MCC: variants seen among roughly 807,000 people sequenced by gnomAD.
The protein encoded by MCC is colorectal mutant cancer protein.
In MCC, 90 loss-of-function variants were observed where a neutral mutation model predicts 116.2. The observed-to-expected ratio is 0.77, with a 90% CI of 0.65 to 0.92. The LOEUF is 0.92. MCC is among the 40% of genes least tolerant of loss of function. MCC has a pLI of 0.00. For synonymous variants in MCC, 578 were observed against 510.5 expected (o/e 1.13, Z -1.78); for missense variants, 1,516 against 1,312.2 (o/e 1.16, Z -2.40).
At position 113,385,181 on chromosome 5, in the gene MCC, T is replaced by A. The variant is rs977694114; in HGVS notation, c.202A>T (p.Asn68Tyr). 1.9e-6 allele frequency: 3 copies of A among 1,614,010 alleles called. No individual in the cohort carries two copies. Among genetic ancestry groups the A allele is most frequent in the Non-Finnish European group, 2.5e-6 (3 of 1,180,026 alleles). Residue 68 changes from asparagine (N) to tyrosine (Y), a missense_variant, in exon 2 of 19, where the codon AAT (asparagine) becomes TAT (tyrosine). Coordinates refer to ENST00000408903, the MANE Select transcript of MCC (RefSeq NM_001085377.2). ...NDLLMVCRQL[N>Y]MEESVAEIMN... ...ATCTCAGCCACAGACTCTTCCATAT[T>A]CAGCTGGCGACAGACCATTAGCAAG...
chr5:113,380,189 T>C (rs1267719102), intron 2 of MCC, among the ~76,000 whole-genome samples: 1 of 152,224 alleles, frequency 6.6e-6, no homozygotes, highest in Non-Finnish European at 1.5e-5. Flanking sequence ...CACTTAACTA[T>C]TAAACCGAAG....
chr5:113,133,888 C>CAAG (rs1174653506), intron 5 of MCC, among the ~76,000 whole-genome samples: 1 of 152,100 alleles, frequency 6.6e-6, no homozygotes, highest in African/African-American at 2.4e-5. Flanking sequence ...GCCATTTGTA[C>CAAG]GTCTTCTTTT....
At chr5:113,064,622 C>T (rs1753460691) in intron 13 of MCC, among the ~76,000 whole-genome samples, 1 of 152,210 alleles carries the variant, frequency 6.6e-6, no homozygotes, top group African/African-American at 2.4e-5. Flanking sequence ...TTGGTTAGAG[C>T]CCTGTGTGGG....
chr5:113,252,144 A>G (rs1258561722), intron 3 of MCC, among the ~76,000 whole-genome samples: 1 of 152,058 alleles, frequency 6.6e-6, no homozygotes, highest in Non-Finnish European at 1.5e-5. Context: ...TTTACTTCTT[A>G]GTGGAATTAT....
intron 2 of MCC, among the ~76,000 whole-genome samples, chr5:113,380,997 T>C (rs1050585017): frequency 6.6e-6 from 1 of 152,180 alleles, no homozygotes; most frequent in Non-Finnish European, 1.5e-5. Flanking sequence ...GTTTTAGACA[T>C]GGGATTGAAC....
At chr5:113,405,913 T>C (rs1769819771) in intron 1 of MCC, among the ~76,000 whole-genome samples, 1 of 152,238 alleles carries the variant, frequency 6.6e-6, no homozygotes, top group Non-Finnish European at 1.5e-5. Context: ...ATTTTCCTTT[T>C]GAGCATCACT....
chr5:113,387,235 G>A (rs1345696317), intron 1 of MCC, among the ~76,000 whole-genome samples: 1 of 152,140 alleles, frequency 6.6e-6, no homozygotes, highest in East Asian at 1.9e-4. Flanking sequence ...GTGATCAAAA[G>A]TAAGTTCTTA....
At chr5:113,334,589 G>C in intron 3 of MCC, among the ~76,000 whole-genome samples, 2 of 85,176 alleles carry the variant, frequency 2.3e-5, no homozygotes, top group East Asian at 5.1e-4. Flanking sequence ...TCTGATTTCT[G>C]ATTTTTTTTT....
intron 3 of MCC, among the ~76,000 whole-genome samples, chr5:113,169,364 T>G (rs1204251776): frequency 6.6e-6 from 1 of 152,198 alleles, no homozygotes; most frequent in Non-Finnish European, 1.5e-5. Context: ...GACTTTCCTC[T>G]GCAGGACCAT....
intron 1 of MCC, among the ~76,000 whole-genome samples, chr5:113,447,256 A>G (rs1771249911): frequency 6.6e-6 from 1 of 152,222 alleles, no homozygotes; most frequent in Non-Finnish European, 1.5e-5. Context: ...GCATGAGACA[A>G]AGAAAACACC....
intron 3 of MCC, among the ~76,000 whole-genome samples, chr5:113,270,088 TGCTAAAGAAAAGG>T (rs1366363566): frequency 6.6e-6 from 1 of 152,184 alleles, no homozygotes; most frequent in Non-Finnish European, 1.5e-5. Flanking sequence ...GGGTGTAGGA[TGCTAAAGAAAAGG>T]GTACCTACAG....
In MCC at chr5:113,445,457, G is replaced by A. The variant is rs146678485; in HGVS notation, c.170+42788C>T. ...AGTAGCATTTTTATACAGTAATAAC[G>A]TTCAAGCTAAGAGTCAAATCAAGAA... is the stretch of plus-strand genomic sequence containing the variant. On this transcript the variant is annotated intron_variant, in intron 1 of 18. Coordinates refer to ENST00000408903, the MANE Select transcript of MCC (RefSeq NM_001085377.2). 1.9e-3 allele frequency among the ~76,000 whole-genome samples: 285 copies of A among 152,156 alleles called. 1 individual carries two copies. The highest frequency in any genetic ancestry group is 6.5e-3 in the African/African-American group (269 of 41,532).
intron 9 of MCC, among the ~76,000 whole-genome samples, chr5:113,084,709 G>T (rs963690258): frequency 6.6e-6 from 1 of 152,170 alleles, no homozygotes; most frequent in African/African-American, 2.4e-5. Context: ...AGTCAGTGGG[G>T]CTACTTCTCA....
chr5:113,149,314 T>C (rs1009518145), intron 4 of MCC, among the ~76,000 whole-genome samples: 7 of 152,106 alleles, frequency 4.6e-5, no homozygotes, highest in Admixed American at 2.0e-4. Flanking sequence ...AACATTCTAA[T>C]GCTTTCCAGT....
At chr5:113,176,218 A>C (rs1044113560) in intron 3 of MCC, among the ~76,000 whole-genome samples, 1 of 150,596 alleles carries the variant, frequency 6.6e-6, no homozygotes, top group Non-Finnish European at 1.5e-5. Flanking sequence ...TTAAAACATG[A>C]CATAAGAACA....
At chr5:113,275,947 C>T (rs1441267277) in intron 3 of MCC, among the ~76,000 whole-genome samples, 1 of 146,646 alleles carries the variant, frequency 6.8e-6, no homozygotes, top group African/African-American at 2.5e-5. Context: ...ACAAAACATT[C>T]TAAAATTGAT....
At chr5:113,166,303 T>C (rs758826706) in intron 3 of MCC, among the ~76,000 whole-genome samples, 8 of 152,174 alleles carry the variant, frequency 5.3e-5, no homozygotes, top group Non-Finnish European at 1.2e-4. Context: ...ACTGACATTT[T>C]TACAATACAA....
chr5:113,280,215 T>C lies in MCC; in HGVS notation c.627+60304A>G, dbSNP rs534107930. Among the ~76,000 whole-genome samples, 12 of 152,298 alleles carry C rather than the reference T, an allele frequency of 7.9e-5. No homozygotes were observed. The East Asian group carries it at 1.9e-3, about 24-fold the overall frequency. ...CTCAGTGTTTGCCTTCAGAAGTAGATAGAGGCGAGCTGTAGCCCAGATCCT... is the reference window on the plus strand; with the variant it reads ...CTCAGTGTTTGCCTTCAGAAGTAGACAGAGGCGAGCTGTAGCCCAGATCCT... On this transcript the variant is annotated intron_variant, in intron 3 of 18. Coordinates refer to ENST00000408903, the MANE Select transcript of MCC (RefSeq NM_001085377.2).
In MCC at chr5:113,068,173, T is replaced by C. The variant is rs200168585; in HGVS notation, c.1936A>G (p.Ile646Val). The C allele has an allele frequency of 2.9e-4, 467 of 1,613,892 alleles. 1 individual carries two copies. The highest frequency in any genetic ancestry group is 1.9e-5 in the Non-Finnish European group (23 of 1,179,820). The change falls in exon 13 of 19, where the codon ATC becomes GTC. Residue 646 changes from isoleucine to valine, a missense_variant. By Grantham distance (29) the Ile-to-Val change is conservative. Coordinates refer to ENST00000408903, the MANE Select transcript of MCC (RefSeq NM_001085377.2). ...GCCAGGAGGAGTTCGTAGGCTTCGA[T>C]GCACTGCTCGCTGAAACAAAGCACA... Reference protein sequence around the residue: ...RLALQYSEQCIEAYELLLALA... With the variant: ...RLALQYSEQCVEAYELLLALA...
Sources: gnomAD v4.1 joint callset for allele counts (sites outside exome capture counted in the v4.1 genomes callset) on GRCh38, gnomAD v4.1.1 for gene constraint, MANE v1.5 for transcripts, NCBI Gene and HGNC (gene_info 2026-07-23, HGNC 2026-07-21) for gene names.